IGF1R: variants seen among roughly 807,000 people sequenced by gnomAD.
The protein encoded by IGF1R is insulin-like growth factor 1 receptor.
In IGF1R, 44 loss-of-function variants were observed where a neutral mutation model predicts 144.6. The ratio of observed to expected loss-of-function variants is 0.30; its 90% confidence interval spans 0.24 to 0.39. The LOEUF (loss-of-function observed/expected upper bound fraction) is 0.39, where lower values mean the gene tolerates loss of function less well. Among genes scored for constraint, IGF1R ranks in the 10% least tolerant of loss-of-function variants. The pLI is 1.00. For synonymous variants in IGF1R, 795 were observed against 722.8 expected (o/e 1.10, Z -1.60); for missense variants, 1,355 against 1,833.7 (o/e 0.74, Z 4.77).
rs151285117 is a variant in IGF1R, at chr15:98,716,936, G to A, written c.640+8829G>A. Among the ~76,000 whole-genome samples, 1,477 of 152,236 alleles carry A rather than the reference G, an allele frequency of 9.7e-3. 12 individuals are homozygous for A. Among genetic ancestry groups the A allele is most frequent in the African/African-American group, 0.016 (663 of 41,530 alleles). ...TGTTCCTTACAATATTGTGGAGTCC[G>A]TGGGGGCAGAAGCTACCATCCTGTG... On this transcript the variant is annotated intron_variant, in intron 2 of 20. Transcript: ENST00000650285.
At chr15:98,858,001 G>A (rs1030463443) in intron 2 of IGF1R, among the ~76,000 whole-genome samples, 14 of 152,206 alleles carry the variant, frequency 9.2e-5, no homozygotes, top group African/African-American at 3.1e-4. Flanking sequence ...CAAATACTAA[G>A]TACTTGTAAT....
At chr15:98,884,272 G>A (rs973828214) in intron 2 of IGF1R, among the ~76,000 whole-genome samples, 2 of 152,156 alleles carry the variant, frequency 1.3e-5, no homozygotes, top group Admixed American at 6.5e-5. Flanking sequence ...CACACCCCAG[G>A]ATGTTTCCAG....
chr15:98,813,981 T>C (rs1259378460), intron 2 of IGF1R, among the ~76,000 whole-genome samples: 9 of 152,234 alleles, frequency 5.9e-5, no homozygotes, highest in Admixed American at 5.9e-4. Flanking sequence ...CGGAATAGGT[T>C]CTGGCCTACC....
intron 2 of IGF1R, among the ~76,000 whole-genome samples, chr15:98,858,667 A>C (rs771507249): frequency 3.9e-5 from 6 of 152,172 alleles, no homozygotes; most frequent in Non-Finnish European, 8.8e-5. Flanking sequence ...ATGCTAATAA[A>C]CGTGGACGAG....
intron 2 of IGF1R, among the ~76,000 whole-genome samples, chr15:98,857,849 G>A (rs1425765070): frequency 6.6e-6 from 1 of 152,180 alleles, no homozygotes; most frequent in African/African-American, 2.4e-5. Context: ...AAGGATAACT[G>A]AGACCTGTAC....
At chr15:98,954,453 C>T (rs963361099) in intron 20 of IGF1R, 10 of 152,104 alleles carry the variant, frequency 6.6e-5, no homozygotes, top group African/African-American at 2.2e-4. Context: ...CTCACACATC[C>T]TTCTAGAGTC....
At chr15:98,718,110 C>T (rs921783306) in intron 2 of IGF1R, among the ~76,000 whole-genome samples, 5 of 152,314 alleles carry the variant, frequency 3.3e-5, no homozygotes, top group African/African-American at 7.2e-5. Flanking sequence ...GTCTTCCTTC[C>T]GTTCAAGGGG....
Position 98,964,493 on chromosome 15 carries a change from C to A in IGF1R, c.*7051C>A, listed in dbSNP as rs1371117413. On this transcript the variant is annotated 3_prime_UTR_variant, in exon 21 of 21. Coordinates refer to ENST00000650285, the MANE Select transcript of IGF1R (RefSeq NM_000875.5). Reference sequence around the variant, plus strand: ...TACTCTGCTTTTTTCTAGTAAAGTACTACATGGTTTAAGTTAAATAAAATA... The same window carrying A: ...TACTCTGCTTTTTTCTAGTAAAGTAATACATGGTTTAAGTTAAATAAAATA... 2 of 215,296 alleles carry A rather than the reference C, an allele frequency of 9.3e-6. No homozygotes were observed. Among genetic ancestry groups the A allele is most frequent in the Non-Finnish European group, 1.8e-5 (2 of 108,970 alleles). The allele number at this position is 215,296 out of a possible 1,614,324, so 13.3% of individuals were successfully genotyped here.
At chr15:98,748,751 T>C (rs2054931804) in intron 2 of IGF1R, among the ~76,000 whole-genome samples, 1 of 152,244 alleles carries the variant, frequency 6.6e-6, no homozygotes, top group African/African-American at 2.4e-5. Flanking sequence ...AGTTAGTCCA[T>C]TGGCAATGGA....
At chr15:98,718,719 A>C (rs2054178714) in intron 2 of IGF1R, among the ~76,000 whole-genome samples, 1 of 152,234 alleles carries the variant, frequency 6.6e-6, no homozygotes, top group Non-Finnish European at 1.5e-5. Context: ...AGTTGGGCTT[A>C]GTAGTAAAAA....
At chr15:98,782,528 G>C (rs2055883843) in intron 2 of IGF1R, among the ~76,000 whole-genome samples, 1 of 151,988 alleles carries the variant, frequency 6.6e-6, no homozygotes, top group African/African-American at 2.4e-5. Flanking sequence ...GCATTGTTCT[G>C]TATCTTTTTT....
At chr15:98,936,770 G>C (rs148549218) in intron 17 of IGF1R, among the ~76,000 whole-genome samples, 107 of 152,224 alleles carry the variant, frequency 7.0e-4, no homozygotes, top group African/African-American at 2.5e-3. Context: ...CTTCAAGCAG[G>C]ATGGTTTACA....
chr15:98,778,465 G>A (rs900362890), intron 2 of IGF1R, among the ~76,000 whole-genome samples: 1 of 152,208 alleles, frequency 6.6e-6, no homozygotes, highest in African/African-American at 2.4e-5. Flanking sequence ...GACCCAGAGA[G>A]GGTCATGGTT....
intron 2 of IGF1R, among the ~76,000 whole-genome samples, chr15:98,805,491 CTG>C (rs967511789): frequency 6.6e-6 from 1 of 151,662 alleles, no homozygotes; most frequent in Non-Finnish European, 1.5e-5. Flanking sequence ...AAAAGGGTGC[CTG>C]TGTGTGTATG....
intron 2 of IGF1R, among the ~76,000 whole-genome samples, chr15:98,828,137 G>A (rs2056929783): frequency 1.3e-5 from 2 of 152,176 alleles, no homozygotes. Context: ...CTCCATAGTG[G>A]TTTTGCATGA....
chr15:98,666,719 G>C (rs1282151518), intron 1 of IGF1R, among the ~76,000 whole-genome samples: 2 of 152,144 alleles, frequency 1.3e-5, no homozygotes, highest in Non-Finnish European at 2.9e-5. Context: ...AGAATGGTGA[G>C]GGGCGGTGAA....
intron 2 of IGF1R, among the ~76,000 whole-genome samples, chr15:98,732,649 A>C (rs755669041): frequency 5.3e-5 from 8 of 152,208 alleles, no homozygotes; most frequent in Non-Finnish European, 1.2e-4. Context: ...AGGAAAAGCA[A>C]TGAGCTTACG....
At chr15:98,826,701 T>A (rs560023862) in intron 2 of IGF1R, among the ~76,000 whole-genome samples, 1 of 152,360 alleles carries the variant, frequency 6.6e-6, no homozygotes, top group South Asian at 2.1e-4. Flanking sequence ...TTCTATTGTT[T>A]ATCAGTGACA....
intron 2 of IGF1R, among the ~76,000 whole-genome samples, chr15:98,774,691 G>C (rs1245561486): frequency 6.7e-6 from 1 of 150,066 alleles, no homozygotes; most frequent in African/African-American, 2.5e-5. Context: ...GCGGTGGTGG[G>C]GGGGTGGGGG....
Sources: gnomAD v4.1 joint callset for allele counts (sites outside exome capture counted in the v4.1 genomes callset) on GRCh38, gnomAD v4.1.1 for gene constraint, MANE v1.5 for transcripts, NCBI Gene and HGNC (gene_info 2026-07-23, HGNC 2026-07-21) for gene names.